Variants in IPO7 observed in about 807,000 individuals in gnomAD.
IPO7 encodes importin 7, also known as importin-7.
Under a neutral mutation model 136.4 loss-of-function variants are expected in IPO7, and 13 were observed. The ratio of observed to expected loss-of-function variants is 0.10; its 90% confidence interval spans 0.06 to 0.15. The LOEUF (loss-of-function observed/expected upper bound fraction) is 0.15. Among genes scored for constraint, IPO7 ranks in the 10% least tolerant of loss-of-function variants. The pLI, the probability that IPO7 is intolerant of heterozygous loss-of-function variation, is 1.00. For synonymous variants in IPO7, 403 were observed against 404.4 expected (o/e 1.00, Z 0.04); for missense variants, 857 against 1,240.6 (o/e 0.69, Z 4.65).
chr11:9,384,671 C>T lies in IPO7; in HGVS notation c.-93C>T. 2.8e-6 allele frequency: 3 copies of T among 1,084,628 alleles called. No individual in the cohort carries two copies. Among genetic ancestry groups the T allele is most frequent in the East Asian group, 2.8e-5 (1 of 35,234 alleles). The allele number at this position is 1,084,628 out of a possible 1,614,324, so 67.2% of individuals were successfully genotyped here. On this transcript the variant is annotated 5_prime_UTR_variant, in exon 1 of 25. Transcript: ENST00000379719. ...CTCTTTCCTTTCGCGCCGGTTGCCG[C>T]TGCGGAGCGCGGCGGGTCCATGTGC...
Position 9,429,734 on chromosome 11 carries a change from G to A in IPO7, c.1652G>A (p.Arg551Lys). 6.2e-7 allele frequency: 1 copy of A among 1,607,246 alleles called. No homozygotes were observed. ...ATGCAGGCTCTTCTTCACATTATAA[G>A]AGAAACAGAAAATGATGACCTTACC... ...PVMQALLHIIRETENDDLTNV... is the reference protein window; with the variant it reads ...PVMQALLHIIKETENDDLTNV... The change falls in exon 15 of 25, where the codon AGA becomes AAA. Residue 551 changes from arginine (R) to lysine (K), a missense_variant. This residue lies in a region of IPO7 where 58 missense variants were observed against 122.1 expected (regional missense o/e 0.47). Coordinates refer to ENST00000379719, the MANE Select transcript of IPO7 (RefSeq NM_006391.3).
At chr11:9,419,559 A>AAAAATATATAT (rs1256216265) in intron 6 of IPO7, among the ~76,000 whole-genome samples, 4 of 116,862 alleles carry the variant, frequency 3.4e-5, no homozygotes, top group Non-Finnish European at 5.0e-5. Flanking sequence ...AAAAAAAAAA[A>AAAAATATATAT]ATATATATAT....
At position 9,433,071 on chromosome 11, in the gene IPO7, A is replaced by T. The variant is rs552949457; in HGVS notation, c.1882-499A>T. The T allele has an allele frequency of 2.9e-5, 4 of 139,478 alleles. 1 individual carries two copies. Among genetic ancestry groups the T allele is most frequent in the African/African-American group, 1.1e-4 (4 of 37,096 alleles). The allele number at this position is 139,478 out of a possible 1,614,324, so 8.6% of individuals were successfully genotyped here. ...TGGCGCTCGGCTCACTGCAACCTCCACCTCCTGGGTTCAAGCAATTCTCCT... is the reference window on the plus strand; with the variant it reads ...TGGCGCTCGGCTCACTGCAACCTCCTCCTCCTGGGTTCAAGCAATTCTCCT... On this transcript the variant is annotated intron_variant, in intron 16 of 24. Transcript: ENST00000379719.
At position 9,425,016 on chromosome 11, in the gene IPO7, C is replaced by G. The variant is rs753442774; in HGVS notation, c.1218+26C>G. ...GTAGGCTTATTTAATGTTTAGATAA[C>G]TTTTCTGTATTATTTAAAATTTATT... On this transcript the variant is annotated intron_variant, in intron 11 of 24. Coordinates refer to ENST00000379719, the MANE Select transcript of IPO7 (RefSeq NM_006391.3). The G allele has an allele frequency of 2.8e-6, 4 of 1,448,160 alleles. No homozygotes were observed. In the East Asian group the frequency reaches 9.1e-5, roughly 33 times the overall value. The allele number at this position is 1,448,160 out of a possible 1,614,324, so 89.7% of individuals were successfully genotyped here. A position where few individuals can be genotyped will look rare whatever the true frequency, so the allele number is the denominator to read the frequency against.
In IPO7 at chr11:9,420,459, A is replaced by C; in HGVS notation, c.775A>C (p.Lys259Gln). The C allele has an allele frequency of 6.2e-7, 1 of 1,612,560 alleles. No homozygotes were observed. Among genetic ancestry groups the C allele is most frequent in the African/African-American group, 1.3e-5 (1 of 75,004 alleles). Reference sequence around the variant, plus strand: ...TGATCGACCTGAGTTACCATGGTGGAAATGCAAGAAGTGGGCCTTACATAT... The same window carrying C: ...TGATCGACCTGAGTTACCATGGTGGCAATGCAAGAAGTGGGCCTTACATAT... The part of the protein sequence containing the change: ...EDDRPELPWW[K>Q]CKKWALHILA... The change falls in exon 7 of 25, where the codon AAA becomes CAA. Residue 259 changes from lysine (K) to glutamine (Q), a missense_variant. By Grantham distance (53) the Lys-to-Gln change is moderately conservative. Transcript: ENST00000379719.
intron 4 of IPO7, 50 bp downstream of exon 4, chr11:9,410,136 G>A: frequency 2.3e-6 from 3 of 1,326,876 alleles, no homozygotes; most frequent in South Asian, 2.1e-5. Flanking sequence ...AGGAAAAGTT[G>A]GGAAAATTTA....
intron 6 of IPO7, 52 bp from the exon 7 acceptor site, chr11:9,420,359 T>C (rs1161489163): frequency 1.0e-5 from 12 of 1,169,512 alleles, no homozygotes; most frequent in South Asian, 9.0e-5. Context: ...CATCTCATGC[T>C]GTTCCTCCTA....
At chr11:9,388,135 G>A (rs1030597630) in intron 1 of IPO7, among the ~76,000 whole-genome samples, 7 of 151,586 alleles carry the variant, frequency 4.6e-5, no homozygotes, top group African/African-American at 1.7e-4. Context: ...CAACAAGAGC[G>A]AAACTGCGTC....
intron 12 of IPO7, 116 bp from the exon 13 acceptor site, chr11:9,428,423 GA>G: frequency 2.1e-6 from 1 of 485,442 alleles, no homozygotes; most frequent in Non-Finnish European, 3.7e-6. Context: ...GGGGTTCAAA[GA>G]ATGAGAATAA....
At chr11:9,411,794 G>A (rs891759590) in intron 4 of IPO7, among the ~76,000 whole-genome samples, 2 of 152,132 alleles carry the variant, frequency 1.3e-5, no homozygotes, top group Admixed American at 1.3e-4. Context: ...TTACAGGGTA[G>A]TAATAAGTTT....
At chr11:9,426,616 G>T (rs1855212749) in intron 12 of IPO7, among the ~76,000 whole-genome samples, 1 of 152,110 alleles carries the variant, frequency 6.6e-6, no homozygotes, top group Non-Finnish European at 1.5e-5. Flanking sequence ...AGTATATTTT[G>T]ATTATAGCCA....
Position 9,438,045 on chromosome 11 carries a change from G to GTTTT in IPO7, c.2490-6_2490-3dup, listed in dbSNP as rs202038310. The GTTTT allele has an allele frequency of 1.4e-3, 1,521 of 1,092,110 alleles. 29 individuals are homozygous for GTTTT. The highest frequency in any genetic ancestry group is 5.5e-3 in the African/African-American group (182 of 33,228). 67.7% of individuals were successfully genotyped at this position (1,092,110 alleles called of 1,614,324 possible). A position where few individuals can be genotyped will look rare whatever the true frequency, so the allele number is the denominator to read the frequency against. On this transcript the variant is annotated intron_variant, in intron 21 of 24. Transcript: ENST00000379719. ...TCTGCTTATTTAAGAAAAGAAAACAGTTTTTTTTTTTTTTTTTTTTTTTTT... is the reference window on the plus strand; with the variant it reads ...TCTGCTTATTTAAGAAAAGAAAACAGTTTTTTTTTTTTTTTTTTTTTTTTTTTTT...
rs1332431951 is a variant in IPO7 at position 9,384,931 on chromosome 11, G to A, written c.84+84G>A. On this transcript the variant is annotated intron_variant, in intron 1 of 24. Transcript: ENST00000379719. Reference sequence around the variant, plus strand: ...GAGCCCCCGGGGCCTGGCCGGAGGCGCGGACGACGTCGTTGAGGGTCCCAG... The same window carrying A: ...GAGCCCCCGGGGCCTGGCCGGAGGCACGGACGACGTCGTTGAGGGTCCCAG... 8.6e-6 allele frequency: 9 copies of A among 1,049,388 alleles called. No homozygotes were observed. In the South Asian group the frequency reaches 8.6e-5, roughly 10 times the overall value. The allele number at this position is 1,049,388 out of a possible 1,614,324, so 65.0% of individuals were successfully genotyped here.
intron 15 of IPO7, chr11:9,430,401 A>C (rs1181133723): frequency 6.4e-6 from 1 of 155,396 alleles, no homozygotes; most frequent in Admixed American, 6.4e-5. Context: ...ATGGGCCTTC[A>C]TGGTACTTGT....
intron 5 of IPO7, 132 bp downstream of exon 5, chr11:9,414,543 C>A: frequency 2.1e-6 from 1 of 471,696 alleles, no homozygotes; most frequent in Non-Finnish European, 3.4e-6. Context: ...GATTTTCTAG[C>A]AAAATAGAAA....
intron 1 of IPO7, among the ~76,000 whole-genome samples, chr11:9,386,711 G>C (rs892916506): frequency 6.6e-6 from 1 of 152,060 alleles, no homozygotes; most frequent in African/African-American, 2.4e-5. Flanking sequence ...GTAGAAACCT[G>C]GGGTATTTCA....
intron 23 of IPO7, among the ~76,000 whole-genome samples, chr11:9,441,720 G>C (rs1855462024): frequency 6.6e-6 from 1 of 152,164 alleles, no homozygotes; most frequent in South Asian, 2.1e-4. Flanking sequence ...CAGTAGCCTT[G>C]ATGATTTTCA....
At position 9,438,077 on chromosome 11, in the gene IPO7, T is replaced by TTTTTG; in HGVS notation, c.2490-3_2490-2insTTTTG. The TTTTTG allele has an allele frequency of 1.7e-6, 2 of 1,201,300 alleles. No individual in the cohort carries two copies. The highest frequency in any genetic ancestry group is 2.3e-6 in the Non-Finnish European group (2 of 866,686). The allele number at this position is 1,201,300 out of a possible 1,614,324, so 74.4% of individuals were successfully genotyped here. A position where few individuals can be genotyped will look rare whatever the true frequency, so the allele number is the denominator to read the frequency against. On this transcript the variant is annotated splice_region_variant and splice_polypyrimidine_tract_variant and intron_variant, in intron 21 of 24. Coordinates refer to ENST00000379719, the MANE Select transcript of IPO7 (RefSeq NM_006391.3). Reference sequence around the variant, plus strand: ...TTTTTTTTTTTTTTTTTTTTTTTTTTAGGCTTCATGACAGAAAGATGTGTG... The same window carrying TTTTTG: ...TTTTTTTTTTTTTTTTTTTTTTTTTTTTTTGAGGCTTCATGACAGAAAGATGTGTG...
rs369363469 is a variant in IPO7 at position 9,384,843 on chromosome 11, A to G, written c.80A>G (p.Asn27Ser). ...CGTGAGGCCGCGGAGCGCCAGCTCA[A>G]TGAAGTAAGGACGCCCGGCTAGCGG... is the stretch of plus-strand genomic sequence containing the variant. ...ALREAAERQL[N>S]EAHKSLNFVS... is the part of the protein sequence containing the mutation. Residue 27 changes from asparagine to serine, a missense_variant, in exon 1 of 25, where the codon AAT (asparagine) becomes AGT (serine). By Grantham distance (46) the Asn-to-Ser change is conservative. Transcript: ENST00000379719. 9 of 1,598,064 alleles carry G rather than the reference A, an allele frequency of 5.6e-6. No homozygotes were observed. The highest frequency in any genetic ancestry group is 2.3e-5 in the East Asian group (1 of 43,946).
Sources: gnomAD v4.1 joint callset for allele counts (sites outside exome capture counted in the v4.1 genomes callset) on GRCh38, gnomAD v4.1.1 for gene constraint, gnomAD v4.1.1 regional missense constraint, MANE v1.5 for transcripts, NCBI Gene and HGNC (gene_info 2026-07-23, HGNC 2026-07-21) for gene names.